DISC1: variants seen among roughly 807,000 people sequenced by gnomAD.
DISC1 encodes disrupted in schizophrenia 1 protein.
Under a neutral mutation model 84.5 loss-of-function variants are expected in DISC1, and 57 were observed. That is an observed-to-expected ratio of 0.67 (90% CI 0.55 to 0.84). The LOEUF (loss-of-function observed/expected upper bound fraction) is 0.84, where lower values mean the gene tolerates loss of function less well. Ranked by LOEUF, DISC1 falls within the 40% of genes least tolerant of loss-of-function variation. The pLI, the probability that DISC1 is intolerant of heterozygous loss-of-function variation, is 0.00. For synonymous variants in DISC1, 411 were observed against 415.2 expected (o/e 0.99, Z 0.12); for missense variants, 1,000 against 1,057.8 (o/e 0.95, Z 0.76).
At chr1:231,875,468 G>A (rs564088283) in intron 9 of DISC1, among the ~76,000 whole-genome samples, 2 of 152,254 alleles carry the variant, frequency 1.3e-5, no homozygotes, top group African/African-American at 4.8e-5. Flanking sequence ...ACCAAGGTTT[G>A]AAATCATGAG....
At chr1:231,771,119 G>A (rs1167314955) in intron 6 of DISC1, 49 bp downstream of exon 6, 1 of 1,501,222 alleles carries the variant, frequency 6.7e-7, no homozygotes, top group African/African-American at 1.4e-5. Flanking sequence ...TCTTTGACCT[G>A]TTCATTGGAA....
At chr1:231,730,977 T>G (rs2071439264) in intron 3 of DISC1, among the ~76,000 whole-genome samples, 1 of 152,192 alleles carries the variant, frequency 6.6e-6, no homozygotes, top group South Asian at 2.1e-4. Context: ...TTACATATTT[T>G]TAAATGGCTA....
rs1040809397 is a variant in DISC1 at position 232,021,433 on chromosome 1, G to T, written c.2308-5002G>T. Among the ~76,000 whole-genome samples the T allele has an allele frequency of 2.0e-5, 3 of 152,050 alleles. No homozygotes were observed. The South Asian group carries it at 6.2e-4, about 32-fold the overall frequency. On this transcript the variant is annotated intron_variant, in intron 11 of 12. Transcript: ENST00000439617. ...CTTACACATTGAACTAGGAGCCAGG[G>T]ATCTGGGATTACTGACCAGTGGCAG...
At chr1:231,778,627 C>T (rs894736757) in intron 6 of DISC1, among the ~76,000 whole-genome samples, 2 of 152,030 alleles carry the variant, frequency 1.3e-5, no homozygotes, top group South Asian at 2.1e-4. Context: ...TCTGGAAAGT[C>T]GTCATTACAG....
At chr1:231,997,749 A>G (rs1666141870) in intron 10 of DISC1, among the ~76,000 whole-genome samples, 1 of 152,134 alleles carries the variant, frequency 6.6e-6, no homozygotes, top group African/African-American at 2.4e-5. Flanking sequence ...ATTCCCCCAG[A>G]GGCTCTTTTC....
chr1:231,743,495 A>G (rs923900246), intron 3 of DISC1, among the ~76,000 whole-genome samples: 6 of 152,238 alleles, frequency 3.9e-5, no homozygotes, highest in African/African-American at 1.4e-4. Flanking sequence ...ATGCTATTTT[A>G]GAACACATAA....
At chr1:231,991,033 G>T (rs1324014505) in intron 10 of DISC1, among the ~76,000 whole-genome samples, 1 of 152,236 alleles carries the variant, frequency 6.6e-6, no homozygotes, top group African/African-American at 2.4e-5. Context: ...TGTGTGCCAA[G>T]CAGCATGGCT....
intron 1 of DISC1, among the ~76,000 whole-genome samples, chr1:231,673,514 T>G (rs2062826325): frequency 6.6e-6 from 1 of 152,138 alleles, no homozygotes; most frequent in Non-Finnish European, 1.5e-5. Context: ...TATTTTTAAC[T>G]CTAGTTTGAC....
intron 8 of DISC1, 97 bp from the exon 9 acceptor site, chr1:231,818,232 C>A: frequency 1.6e-6 from 2 of 1,236,816 alleles, no homozygotes; most frequent in Non-Finnish European, 2.4e-6. Context: ...GTTTCTTTGC[C>A]CATGCTGTGA....
At chr1:231,886,768 T>TTTCTTTCC (rs1558691887) in intron 9 of DISC1, among the ~76,000 whole-genome samples, 21 of 28,614 alleles carry the variant, frequency 7.3e-4, no homozygotes, top group African/African-American at 2.5e-3. Context: ...CCTTCCTTCC[T>TTTCTTTCC]TTCTTTCTTT....
chr1:231,690,411 G>A (rs1280722175), intron 1 of DISC1, among the ~76,000 whole-genome samples: 4 of 152,188 alleles, frequency 2.6e-5, no homozygotes, highest in African/African-American at 9.6e-5. Context: ...CAGAGGGCAC[G>A]GCTTGTTTCC....
At chr1:231,854,887 T>C in intron 9 of DISC1, 1 of 469,198 alleles carries the variant, frequency 2.1e-6, no homozygotes. Flanking sequence ...TGGCTAATTT[T>C]GTATTCTTAG....
At chr1:231,994,247 T>C (rs760455125) in intron 10 of DISC1, among the ~76,000 whole-genome samples, 3 of 152,190 alleles carry the variant, frequency 2.0e-5, no homozygotes, top group Admixed American at 6.5e-5. Context: ...AGCTGTCAGC[T>C]GGGATCCCAG....
At chr1:231,894,240 C>T (rs1349532522) in intron 9 of DISC1, among the ~76,000 whole-genome samples, 1 of 152,140 alleles carries the variant, frequency 6.6e-6, no homozygotes, top group Non-Finnish European at 1.5e-5. Flanking sequence ...TAACTTTTAA[C>T]ATGAAATATT....
At chr1:231,920,584 C>T (rs2089934118) in intron 9 of DISC1, among the ~76,000 whole-genome samples, 1 of 152,166 alleles carries the variant, frequency 6.6e-6, no homozygotes, top group Non-Finnish European at 1.5e-5. Context: ...TGTGTTGCAG[C>T]GCATGTCAGA....
intron 12 of DISC1, among the ~76,000 whole-genome samples, chr1:232,026,762 C>CTTTTTTTT (rs545455868): frequency 4.5e-3 from 501 of 110,852 alleles, no homozygotes; most frequent in Middle Eastern, 0.011. Context: ...TTTCTTTTTT[C>CTTTTTTTT]TTTTTTTTTT....
chr1:231,832,284 G>A (rs1574140715), intron 9 of DISC1, among the ~76,000 whole-genome samples: 1 of 151,710 alleles, frequency 6.6e-6, no homozygotes, highest in African/African-American at 2.4e-5. Flanking sequence ...TAAAGCAGCG[G>A]CAGCCGCTGC....
At chr1:231,784,513 G>A (rs1379187840) in intron 6 of DISC1, among the ~76,000 whole-genome samples, 1 of 152,118 alleles carries the variant, frequency 6.6e-6, no homozygotes, top group Non-Finnish European at 1.5e-5. Context: ...AATGTCCTTA[G>A]CCTTGGCCAG....
At chr1:231,762,869 T>C (rs2125408748) in intron 4 of DISC1, among the ~76,000 whole-genome samples, 1 of 152,242 alleles carries the variant, frequency 6.6e-6, no homozygotes, top group South Asian at 2.1e-4. Context: ...GTTCGCTCCA[T>C]AGGGAAAACA....
Sources: gnomAD v4.1 joint callset for allele counts (sites outside exome capture counted in the v4.1 genomes callset) on GRCh38, gnomAD v4.1.1 for gene constraint, MANE v1.5 for transcripts, NCBI Gene and HGNC (gene_info 2026-07-23, HGNC 2026-07-21) for gene names.